Variants in ARMC3 observed in about 807,000 individuals in gnomAD.
The protein encoded by ARMC3 is armadillo repeat containing 3.
In ARMC3, 74 loss-of-function variants were observed where a neutral mutation model predicts 90.3. The ratio of observed to expected loss-of-function variants is 0.82; its 90% CI spans 0.68 to 0.99. The LOEUF (loss-of-function observed/expected upper bound fraction) is 0.99, where lower values mean the gene tolerates loss of function less well. Ranked by LOEUF, ARMC3 falls within the 50% of genes least tolerant of loss-of-function variation. ARMC3 has a pLI of 0.00. For synonymous variants in ARMC3, 334 were observed against 361.8 expected, an observed-to-expected ratio of 0.92 and a Z score of 0.87; for missense variants, 958 against 1,042.8, an observed-to-expected ratio of 0.92 and a Z score of 1.12.
intron 10 of ARMC3, among the ~76,000 whole-genome samples, chr10:22,984,565 G>T (rs1168269472): frequency 2.0e-5 from 3 of 151,822 alleles, no homozygotes; most frequent in Non-Finnish European, 2.9e-5. Flanking sequence ...CACACATCTT[G>T]CTTTCTCATA....
At chr10:22,957,477 G>A (rs1379928419) in intron 4 of ARMC3, among the ~76,000 whole-genome samples, 1 of 152,160 alleles carries the variant, frequency 6.6e-6, no homozygotes, top group Non-Finnish European at 1.5e-5. Context: ...GCAGGGGCCT[G>A]GGAGTGTTTC....
rs1414329173 is a variant in ARMC3 at position 23,022,064 on chromosome 10, T to C, written c.2046-8532T>C. 2.0e-5 allele frequency among the ~76,000 whole-genome samples: 3 copies of C among 152,312 alleles called. No individual in the cohort carries two copies. In the East Asian group the frequency reaches 5.8e-4, roughly 29 times the overall value. On this transcript the variant is annotated intron_variant, in intron 16 of 18. Transcript: ENST00000298032. ...CTTCTTGGTGAATGCCTTGAAAAAA[T>C]ATGTATATTTACATTTATATCTATA... is the stretch of plus-strand genomic sequence containing the variant.
intron 8 of ARMC3, among the ~76,000 whole-genome samples, chr10:22,979,203 A>C (rs146858373): frequency 6.6e-6 from 1 of 152,360 alleles, no homozygotes; most frequent in East Asian, 1.9e-4. Flanking sequence ...GGTACTGAAC[A>C]AATGTTATTT....
At chr10:22,931,143 G>A (rs138474426) in intron 1 of ARMC3, among the ~76,000 whole-genome samples, 1 of 152,238 alleles carries the variant, frequency 6.6e-6, no homozygotes, top group Non-Finnish European at 1.5e-5. Context: ...TGGCCAGGAT[G>A]GTCTTGAACT....
chr10:22,960,102 C>A, intron 6 of ARMC3: 1 of 307,972 alleles, frequency 3.2e-6, no homozygotes, highest in Non-Finnish European at 6.2e-6. Context: ...CAACCTTCCC[C>A]TCCCCTGCAG....
At chr10:23,025,795 A>G (rs1838694550) in intron 16 of ARMC3, among the ~76,000 whole-genome samples, 1 of 152,154 alleles carries the variant, frequency 6.6e-6, no homozygotes, top group Non-Finnish European at 1.5e-5. Flanking sequence ...TCAATGAAAT[A>G]AAAATCTGTT....
chr10:23,002,548 CTCTTTCTTTCTT>C (rs137938291), intron 12 of ARMC3, among the ~76,000 whole-genome samples: 86,721 of 147,372 alleles, frequency 0.59, 26,014 homozygotes, highest in Non-Finnish European at 0.64. Context: ...CATTTCTTTT[CTCTTTCTTTCTT>C]TCTTTCTTTC....
intron 16 of ARMC3, among the ~76,000 whole-genome samples, chr10:23,020,570 T>C (rs1352816318): frequency 6.6e-6 from 1 of 152,244 alleles, no homozygotes; most frequent in Non-Finnish European, 1.5e-5. Context: ...TGGCAATGTA[T>C]GAGAGCTCCA....
chr10:22,958,128 T>C (rs915864663), intron 4 of ARMC3, among the ~76,000 whole-genome samples: 7 of 152,144 alleles, frequency 4.6e-5, no homozygotes. Context: ...AAAAGTAGGA[T>C]ATATATCTCA....
At chr10:23,024,200 C>A (rs1838620677) in intron 16 of ARMC3, among the ~76,000 whole-genome samples, 1 of 152,154 alleles carries the variant, frequency 6.6e-6, no homozygotes. Flanking sequence ...AAGAAAAGAA[C>A]TGTCAACCAC....
intron 2 of ARMC3, among the ~76,000 whole-genome samples, chr10:22,940,299 G>A (rs893931559): frequency 6.6e-6 from 1 of 152,162 alleles, no homozygotes; most frequent in Non-Finnish European, 1.5e-5. Flanking sequence ...GATAGCATAA[G>A]AAACAATGAA....
At chr10:23,012,171 G>A (rs1421381859) in intron 16 of ARMC3, among the ~76,000 whole-genome samples, 1 of 152,074 alleles carries the variant, frequency 6.6e-6, no homozygotes, top group Non-Finnish European at 1.5e-5. Flanking sequence ...TTCTGGGTGG[G>A]AACTCATTTT....
chr10:22,981,257 A>G, intron 8 of ARMC3, 83 bp from the exon 9 acceptor site: 1 of 1,286,024 alleles, frequency 7.8e-7, no homozygotes, highest in African/African-American at 1.5e-5. Flanking sequence ...TTGAATTCCT[A>G]TTAGACTTTG....
chr10:22,968,178 C>G (rs1835522500), intron 7 of ARMC3, 128 bp from the exon 8 acceptor site: 1 of 775,120 alleles, frequency 1.3e-6, no homozygotes, highest in East Asian at 2.7e-5. Context: ...CTCCTATTCC[C>G]TGGGGCCTCT....
chr10:22,973,669 G>T (rs140692671), intron 8 of ARMC3, among the ~76,000 whole-genome samples: 1 of 149,226 alleles, frequency 6.7e-6, no homozygotes, highest in African/African-American at 2.5e-5. Flanking sequence ...TTAGCTATAT[G>T]ATCTGTCACA....
In ARMC3 at chr10:22,991,433, T is replaced by G. The variant is rs146759764; in HGVS notation, c.1176-6715T>G. Among the ~76,000 whole-genome samples the G allele has an allele frequency of 1.2e-3, 184 of 151,340 alleles. 1 individual carries two copies. In the East Asian group the frequency reaches 0.024, roughly 20 times the overall value. ...GGGAACTTACCACCTTGACTGTAGGTTTTTTTTTGTTTTTTCTTTTTTGTT... is the reference window on the plus strand; with the variant it reads ...GGGAACTTACCACCTTGACTGTAGGGTTTTTTTTGTTTTTTCTTTTTTGTT... On this transcript the variant is annotated intron_variant, in intron 10 of 18. Transcript: ENST00000298032.
At chr10:22,969,691 G>A (rs1027707304) in intron 8 of ARMC3, among the ~76,000 whole-genome samples, 9 of 152,336 alleles carry the variant, frequency 5.9e-5, no homozygotes, top group African/African-American at 2.2e-4. Context: ...TAGCTGGTCA[G>A]TTCTCTCTTC....
chr10:22,948,455 A>T (rs1834622276), intron 3 of ARMC3, among the ~76,000 whole-genome samples: 1 of 150,126 alleles, frequency 6.7e-6, no homozygotes, highest in East Asian at 1.9e-4. Flanking sequence ...TTCTAAAATT[A>T]AAAAAAAAAT....
chr10:23,014,903 A>AAAAAAAAC (rs1564397897), intron 16 of ARMC3, among the ~76,000 whole-genome samples: 1 of 139,574 alleles, frequency 7.2e-6, no homozygotes, highest in Non-Finnish European at 1.5e-5. Flanking sequence ...AAAAAAAAAA[A>AAAAAAAAC]AAAAAACCCC....
Sources: allele counts gnomAD v4.1 joint callset (sites outside exome capture counted in the v4.1 genomes callset), GRCh38; gene constraint gnomAD v4.1.1; transcripts MANE v1.5; gene names NCBI Gene and HGNC (gene_info 2026-07-23, HGNC 2026-07-21).